Variants in SLC9A7 observed in about 807,000 individuals in gnomAD.
SLC9A7 encodes solute carrier family 9 member A7.
Under a neutral mutation model 52.6 loss-of-function variants are expected in SLC9A7, and 19 were observed. The observed-to-expected ratio is 0.36, with a 90% CI of 0.25 to 0.53. The LOEUF is 0.53. SLC9A7 is among the 20% of genes least tolerant of loss of function. The probability of loss-of-function intolerance (pLI) is 0.91; values close to 1 mark genes in which losing one functional copy is unlikely to be tolerated. For synonymous variants in SLC9A7, 226 were observed against 252.1 expected, an observed-to-expected ratio of 0.90 and a Z score of 0.98; for missense variants, 455 against 597.9, an observed-to-expected ratio of 0.76 and a Z score of 2.49.
intron 1 of SLC9A7, among the ~76,000 whole-genome samples, chrX:46,738,192 C>A (rs762730081): frequency 1.8e-5 from 2 of 112,511 alleles, no homozygotes; most frequent in Admixed American, 9.4e-5. Context: ...AATAGTCTCA[C>A]CTGAGTTGCT....
intron 16 of SLC9A7, among the ~76,000 whole-genome samples, chrX:46,607,467 G>A (rs1241197933): frequency 2.7e-5 from 3 of 111,572 alleles, no homozygotes; most frequent in Non-Finnish European, 5.6e-5. Context: ...AAGAAAGGGA[G>A]ACCAGCCTGG....
At chrX:46,728,189 G>A (rs936860766) in intron 1 of SLC9A7, among the ~76,000 whole-genome samples, 1 of 111,700 alleles carries the variant, frequency 9.0e-6, no homozygotes, top group African/African-American at 3.2e-5. Context: ...TAAAATTTCT[G>A]TTCTTCAAAA....
At chrX:46,724,655 T>C (rs1164481499) in intron 1 of SLC9A7, among the ~76,000 whole-genome samples, 3 of 111,505 alleles carry the variant, frequency 2.7e-5, no homozygotes, top group African/African-American at 9.8e-5. Flanking sequence ...CATTCCAATA[T>C]TGGACACAGT....
intron 1 of SLC9A7, among the ~76,000 whole-genome samples, chrX:46,702,347 T>C (rs1307337704): frequency 8.9e-6 from 1 of 112,055 alleles, no homozygotes; most frequent in Non-Finnish European, 1.9e-5. Flanking sequence ...TACACAGGTA[T>C]ACTTGCATGA....
Position 46,651,718 on chromosome X carries a change from C to T in SLC9A7, c.1148-314G>A, listed in dbSNP as rs1454062410. On this transcript the variant is annotated intron_variant, in intron 8 of 16. Coordinates refer to ENST00000616978, the MANE Select transcript of SLC9A7 (RefSeq NM_001257291.2). Reference sequence around the variant, plus strand: ...GTGGCGTGGGCCTGTGGCCCAGCTACTAGGGAGGCTGAGGTGAGAGGATCG... The same window carrying T: ...GTGGCGTGGGCCTGTGGCCCAGCTATTAGGGAGGCTGAGGTGAGAGGATCG... Among the ~76,000 whole-genome samples, 3 of 108,423 alleles carry T rather than the reference C, an allele frequency of 2.8e-5. No individual in the cohort carries two copies. In the Admixed American group the frequency reaches 3.0e-4, roughly 11 times the overall value. 94.2% of individuals were successfully genotyped at this position (108,423 alleles called of 115,157 possible).
At chrX:46,756,558 A>T (rs1399598426) in intron 1 of SLC9A7, among the ~76,000 whole-genome samples, 2 of 112,171 alleles carry the variant, frequency 1.8e-5, no homozygotes, top group African/African-American at 6.5e-5. Flanking sequence ...ATTAGAATTC[A>T]GATTAGGGGG....
intron 1 of SLC9A7, chrX:46,725,774 G>A (rs1602275970): frequency 1.1e-6 from 1 of 894,567 alleles, no homozygotes; most frequent in South Asian, 2.0e-5. Flanking sequence ...CAGTCAGGCT[G>A]GGCAGTGGAG....
chrX:46,682,555 C>T lies in SLC9A7; in HGVS notation c.326-20G>A. On this transcript the variant is annotated intron_variant, in intron 1 of 16. Coordinates refer to ENST00000616978, the MANE Select transcript of SLC9A7 (RefSeq NM_001257291.2). ...TGAGCCCTGAAAGAGTGGAAAAAAACTCATCAGGCCTGAGGAAGGATAGAG... is the reference window on the plus strand; with the variant it reads ...TGAGCCCTGAAAGAGTGGAAAAAAATTCATCAGGCCTGAGGAAGGATAGAG... 1 of 1,170,824 alleles carries T rather than the reference C, an allele frequency of 8.5e-7. No individual in the cohort carries two copies. Among genetic ancestry groups the T allele is most frequent in the African/African-American group, 1.8e-5 (1 of 56,992 alleles).
chrX:46,719,412 G>C (rs749855057), intron 1 of SLC9A7, among the ~76,000 whole-genome samples: 8 of 110,806 alleles, frequency 7.2e-5, no homozygotes, highest in Admixed American at 3.9e-4. Flanking sequence ...CCTGCACATT[G>C]TACACATGTA....
intron 1 of SLC9A7, among the ~76,000 whole-genome samples, chrX:46,684,575 A>T (rs994990134): frequency 8.9e-6 from 1 of 112,213 alleles, no homozygotes; most frequent in Non-Finnish European, 1.9e-5. Flanking sequence ...TGTAGGGAAA[A>T]GTAATGAAAG....
intron 1 of SLC9A7, among the ~76,000 whole-genome samples, chrX:46,697,901 TG>T (rs1385792316): frequency 8.9e-6 from 1 of 111,734 alleles, no homozygotes; most frequent in Non-Finnish European, 1.9e-5. Context: ...AATGTGCACC[TG>T]GGGGTGGGTC....
rs1942625873 is a variant in SLC9A7 at position 46,599,464 on chromosome X, A to AATT, written c.*7485_*7487dup. 2 of 112,060 alleles carry AATT rather than the reference A, an allele frequency of 1.8e-5. No homozygotes were observed. The highest frequency in any genetic ancestry group is 1.9e-5 in the Non-Finnish European group (1 of 53,263). 9.2% of individuals were successfully genotyped at this position (112,060 alleles called of 1,213,427 possible). ...TACTTTACTTTAAAATACAAAACAA[A>AATT]ATTAGCTCAGCCAGTTAGTTGTTTT... is the stretch of plus-strand genomic sequence containing the variant. On this transcript the variant is annotated 3_prime_UTR_variant, in exon 17 of 17. Coordinates refer to ENST00000616978, the MANE Select transcript of SLC9A7 (RefSeq NM_001257291.2).
chrX:46,643,353 C>T lies in SLC9A7; in HGVS notation c.1499G>A (p.Arg500His), dbSNP rs1471673753. 1.7e-6 allele frequency: 2 copies of T among 1,211,058 alleles called. No individual in the cohort carries two copies. The highest frequency in any genetic ancestry group is 1.1e-6 in the Non-Finnish European group (1 of 894,926). ...CTGGCGAGCATAGGATGCCGTGTCA[C>T]GGATGGCCAACGCAAATGCCATTGC... is the stretch of plus-strand genomic sequence containing the variant. ...RGAMAFALAI[R>H]DTASYARQMM... The change falls in exon 12 of 17, where the codon CGT becomes CAT. Residue 500 changes from arginine (R) to histidine (H), a missense_variant. Physicochemically the swap from Arg to His is conservative, Grantham distance 29. Coordinates refer to ENST00000616978, the MANE Select transcript of SLC9A7 (RefSeq NM_001257291.2).
At chrX:46,754,025 A>G (rs1376935800) in intron 1 of SLC9A7, among the ~76,000 whole-genome samples, 5 of 109,172 alleles carry the variant, frequency 4.6e-5, no homozygotes, top group Non-Finnish European at 9.5e-5. Context: ...AAAATTTTAA[A>G]AGGGTAGGTG....
intron 16 of SLC9A7, among the ~76,000 whole-genome samples, chrX:46,609,096 G>A (rs1942800901): frequency 9.0e-6 from 1 of 111,666 alleles, no homozygotes; most frequent in African/African-American, 3.3e-5. Flanking sequence ...TTGGCTCCCA[G>A]TTTTCAGGGA....
chrX:46,686,383 C>A (rs1222178394), intron 1 of SLC9A7, among the ~76,000 whole-genome samples: 1 of 112,027 alleles, frequency 8.9e-6, no homozygotes, highest in Non-Finnish European at 1.9e-5. Flanking sequence ...ATTTTAGATT[C>A]ATATTTATTA....
At chrX:46,643,126 G>T in intron 12 of SLC9A7, 110 bp downstream of exon 12, 2 of 703,459 alleles carry the variant, frequency 2.8e-6, no homozygotes, top group Non-Finnish European at 4.0e-6. Flanking sequence ...CAAAACCAAA[G>T]ACTGTAAAAG....
At chrX:46,706,292 G>A (rs960892865) in intron 1 of SLC9A7, among the ~76,000 whole-genome samples, 2 of 102,682 alleles carry the variant, frequency 1.9e-5, no homozygotes, top group South Asian at 5.1e-4. Flanking sequence ...AAAATGACAC[G>A]ACATCTAGAA....
chrX:46,737,048 T>A (rs1035841186), intron 1 of SLC9A7, among the ~76,000 whole-genome samples: 2 of 111,831 alleles, frequency 1.8e-5, no homozygotes, highest in African/African-American at 6.5e-5. Context: ...AAGTAGATCT[T>A]CTTTCTTTTT....
Sources: gnomAD v4.1 joint callset for allele counts (sites outside exome capture counted in the v4.1 genomes callset) on GRCh38, gnomAD v4.1.1 for gene constraint, MANE v1.5 for transcripts, NCBI Gene and HGNC (gene_info 2026-07-23, HGNC 2026-07-21) for gene names.